The following KCNMA1 variants were observed in gnomAD, a reference collection of about 807,000 sequenced individuals.
KCNMA1 encodes Calcium-activated potassium channel subunit alpha-1.
KCNMA1 carries 29 observed loss-of-function variants against 140.0 expected under a neutral mutation model. The observed-to-expected ratio is 0.21, with a 90% CI of 0.15 to 0.28. The LOEUF is 0.28. Among genes scored for constraint, KCNMA1 ranks in the 10% least tolerant of loss-of-function variants. KCNMA1 has a pLI of 1.00. For synonymous variants in KCNMA1, 612 were observed against 611.9 expected (o/e 1.00, Z 0.00); for missense variants, 880 against 1,602.2 (o/e 0.55, Z 7.70).
At chr10:77,000,748 C>T (rs933957278) in intron 19 of KCNMA1, among the ~76,000 whole-genome samples, 8 of 151,182 alleles carry the variant, frequency 5.3e-5, no homozygotes, top group African/African-American at 1.9e-4. Flanking sequence ...CTCTGTAATC[C>T]ACTAGCCCAG....
At chr10:77,414,059 G>T (rs1408771249) in intron 1 of KCNMA1, among the ~76,000 whole-genome samples, 1 of 152,180 alleles carries the variant, frequency 6.6e-6, no homozygotes, top group Non-Finnish European at 1.5e-5. Flanking sequence ...CTCTTTGGAA[G>T]TCTTCATGGT....
At chr10:77,611,415 C>G (rs1242500501) in intron 1 of KCNMA1, among the ~76,000 whole-genome samples, 1 of 152,186 alleles carries the variant, frequency 6.6e-6, no homozygotes, top group African/African-American at 2.4e-5. Context: ...CAGAAAGAAA[C>G]TGGGTCCATG....
intron 2 of KCNMA1, among the ~76,000 whole-genome samples, chr10:77,368,298 T>C (rs2094486060): frequency 6.6e-6 from 1 of 152,238 alleles, no homozygotes; most frequent in African/African-American, 2.4e-5. Context: ...CTAAAGATGC[T>C]GATGTTCTTT....
At chr10:77,329,343 A>G (rs1246154431) in intron 2 of KCNMA1, among the ~76,000 whole-genome samples, 3 of 152,222 alleles carry the variant, frequency 2.0e-5, no homozygotes, top group Non-Finnish European at 4.4e-5. Flanking sequence ...TAGGAGGCAA[A>G]GCCTTTGGAA....
At chr10:77,535,000 A>C (rs1327143795) in intron 1 of KCNMA1, among the ~76,000 whole-genome samples, 1 of 152,206 alleles carries the variant, frequency 6.6e-6, no homozygotes, top group Non-Finnish European at 1.5e-5. Context: ...TCTACAACCT[A>C]TATCTACAAC....
intron 9 of KCNMA1, among the ~76,000 whole-genome samples, chr10:77,101,620 G>A (rs139403958): frequency 1.7e-4 from 26 of 152,232 alleles, no homozygotes; most frequent in Admixed American, 9.8e-4. Context: ...GGGAAGTCAC[G>A]TGGCTCATGC....
At chr10:77,023,251 A>C (rs1419239682) in intron 16 of KCNMA1, among the ~76,000 whole-genome samples, 1 of 152,096 alleles carries the variant, frequency 6.6e-6, no homozygotes, top group Non-Finnish European at 1.5e-5. Flanking sequence ...TGTAAACTTT[A>C]CTTGTTTCCT....
At chr10:77,470,759 A>C (rs1209394237) in intron 1 of KCNMA1, among the ~76,000 whole-genome samples, 2 of 152,150 alleles carry the variant, frequency 1.3e-5, no homozygotes, top group African/African-American at 2.4e-5. Context: ...CATTTCAAGC[A>C]ACCAGGGTTT....
chr10:77,271,637 A>C (rs994387298), intron 2 of KCNMA1, among the ~76,000 whole-genome samples: 3 of 152,220 alleles, frequency 2.0e-5, no homozygotes, highest in African/African-American at 7.2e-5. Context: ...CTCTAGAAGT[A>C]AGTGCTAAAT....
chr10:77,615,218 A>C (rs1282370547), intron 1 of KCNMA1, among the ~76,000 whole-genome samples: 1 of 152,134 alleles, frequency 6.6e-6, no homozygotes, highest in Non-Finnish European at 1.5e-5. Context: ...CTTTGTTCAG[A>C]GCCCAAAAGG....
chr10:77,103,231 C>T (rs1217196531), intron 9 of KCNMA1, among the ~76,000 whole-genome samples: 4 of 152,166 alleles, frequency 2.6e-5, no homozygotes, highest in African/African-American at 9.7e-5. Flanking sequence ...AAACTGTCCC[C>T]ATCTCTCTGA....
intron 2 of KCNMA1, among the ~76,000 whole-genome samples, chr10:77,318,262 CACA>C (rs1276860587): frequency 1.3e-5 from 2 of 152,140 alleles, no homozygotes; most frequent in Admixed American, 6.5e-5. Flanking sequence ...TTTTCATTTG[CACA>C]ACAAGTTATC....
intron 1 of KCNMA1, among the ~76,000 whole-genome samples, chr10:77,618,807 C>T (rs141014574): frequency 6.6e-5 from 10 of 152,312 alleles, no homozygotes; most frequent in Admixed American, 2.6e-4. Flanking sequence ...TGACGAACAC[C>T]GTACATAGGG....
intron 2 of KCNMA1, among the ~76,000 whole-genome samples, chr10:77,255,578 C>A (rs2060548148): frequency 1.3e-5 from 2 of 151,360 alleles, no homozygotes; most frequent in East Asian, 3.9e-4. Context: ...CCAGCCTGGA[C>A]AACGAAGTGA....
intron 2 of KCNMA1, chr10:77,354,451 A>C (rs2093277914): frequency 6.6e-6 from 1 of 152,168 alleles, no homozygotes; most frequent in African/African-American, 2.4e-5. Flanking sequence ...TCACCATTTG[A>C]GGACTGAAAG....
intron 1 of KCNMA1, among the ~76,000 whole-genome samples, chr10:77,535,001 T>C (rs1439013285): frequency 6.6e-6 from 1 of 152,194 alleles, no homozygotes; most frequent in Non-Finnish European, 1.5e-5. Context: ...CTACAACCTA[T>C]ATCTACAACC....
chr10:77,097,045 T>C (rs536664778), intron 9 of KCNMA1, among the ~76,000 whole-genome samples: 6 of 152,198 alleles, frequency 3.9e-5, no homozygotes, highest in Admixed American at 3.9e-4. Flanking sequence ...AGCTTCACGT[T>C]TGCCCCCCTA....
At chr10:77,599,950 A>G (rs1283579051) in intron 1 of KCNMA1, among the ~76,000 whole-genome samples, 1 of 152,116 alleles carries the variant, frequency 6.6e-6, no homozygotes, top group Non-Finnish European at 1.5e-5. Flanking sequence ...AACTCTCACT[A>G]GTCCTTAAAA....
chr10:77,520,459 G>A (rs2052974848), intron 1 of KCNMA1, among the ~76,000 whole-genome samples: 1 of 152,004 alleles, frequency 6.6e-6, no homozygotes, highest in South Asian at 2.1e-4. Flanking sequence ...GAGGACTCAA[G>A]GATAAGGCAC....
Sources: allele counts gnomAD v4.1 joint callset (sites outside exome capture counted in the v4.1 genomes callset), GRCh38; gene constraint gnomAD v4.1.1; transcripts MANE v1.5; gene names NCBI Gene and HGNC (gene_info 2026-07-23, HGNC 2026-07-21).